Variants in ASIC2 observed in about 807,000 individuals in gnomAD.
ASIC2 encodes acid sensing ion channel subunit 2.
Under a neutral mutation model 57.3 loss-of-function variants are expected in ASIC2, and 25 were observed. The observed-to-expected ratio is 0.44, with a 90% CI of 0.32 to 0.61. ASIC2 has a LOEUF of 0.61. Ranked by LOEUF, ASIC2 falls within the 20% of genes least tolerant of loss-of-function variation. ASIC2 has a pLI of 0.06. For synonymous variants in ASIC2, 319 were observed against 307.5 expected (o/e 1.04, Z -0.39); for missense variants, 641 against 738.1 (o/e 0.87, Z 1.52).
chr17:33,884,390 C>G (rs1005517529), intron 1 of ASIC2, among the ~76,000 whole-genome samples: 1 of 152,138 alleles, frequency 6.6e-6, no homozygotes, highest in African/African-American at 2.4e-5. Flanking sequence ...GTTGCTTGTT[C>G]CTGGATGCTT....
At chr17:33,881,585 C>G (rs559420508) in intron 1 of ASIC2, among the ~76,000 whole-genome samples, 1 of 152,132 alleles carries the variant, frequency 6.6e-6, no homozygotes, top group Non-Finnish European at 1.5e-5. Context: ...AGGAGAACTA[C>G]AAACCACTGC....
At chr17:34,036,798 A>G (rs1054861737) in intron 1 of ASIC2, 1 of 151,206 alleles carries the variant, frequency 6.6e-6, no homozygotes, top group African/African-American at 2.4e-5. Flanking sequence ...GAAATAGTTG[A>G]AAACCTAGAG....
intron 1 of ASIC2, among the ~76,000 whole-genome samples, chr17:33,302,289 C>T (rs1905990928): frequency 6.6e-6 from 1 of 152,152 alleles, no homozygotes; most frequent in South Asian, 2.1e-4. Context: ...CAGCAGTAAC[C>T]ATCCACTCAT....
intron 1 of ASIC2, among the ~76,000 whole-genome samples, chr17:34,013,010 T>C (rs1906827296): frequency 6.6e-6 from 1 of 152,068 alleles, no homozygotes; most frequent in African/African-American, 2.4e-5. Context: ...CAGGAAGCAG[T>C]GAGGGGGACA....
At chr17:34,007,107 C>A (rs1906553150) in intron 1 of ASIC2, among the ~76,000 whole-genome samples, 1 of 152,152 alleles carries the variant, frequency 6.6e-6, no homozygotes, top group African/African-American at 2.4e-5. Context: ...CAAATGGCAT[C>A]TTTTCCTGGA....
chr17:33,676,822 T>C (rs7222632), intron 1 of ASIC2, among the ~76,000 whole-genome samples: 6,855 of 152,292 alleles, frequency 0.045, 394 homozygotes, highest in African/African-American at 0.13. Flanking sequence ...AATCCCACGT[T>C]GAGTTGTCCC....
chr17:33,289,038 C>T (rs1014030982), intron 1 of ASIC2, among the ~76,000 whole-genome samples: 7 of 152,174 alleles, frequency 4.6e-5, no homozygotes, highest in African/African-American at 1.7e-4. Flanking sequence ...CTTCTGGCTT[C>T]TACAGACAGA....
In ASIC2 at chr17:33,633,741, C is replaced by T. The variant is rs148415474; in HGVS notation, c.556-521674G>A. Among the ~76,000 whole-genome samples the T allele has an allele frequency of 3.9e-5, 6 of 152,338 alleles. No homozygotes were observed. The East Asian group carries it at 1.2e-3, about 29-fold the overall frequency. ...ATGCCCCAACCATTTAATAGCTTCT[C>T]AGCCTGTCCTATTCTAAGGCAGGAA... On this transcript the variant is annotated intron_variant, in intron 1 of 9. Transcript: ENST00000359872.
chr17:33,292,772 C>G lies in ASIC2; in HGVS notation c.-657G>C. 1.0e-6 allele frequency: 1 copy of G among 985,852 alleles called. No homozygotes were observed. Among genetic ancestry groups the G allele is most frequent in the East Asian group, 1.1e-4 (1 of 8,820 alleles). 61.1% of individuals were successfully genotyped at this position (985,852 alleles called of 1,614,324 possible). Reference sequence around the variant, plus strand: ...CCGGCTGCCGCCTTCTTTCCCTTCCCCTCCAGGACCCTTCCTTGTTACTGC... The same window carrying G: ...CCGGCTGCCGCCTTCTTTCCCTTCCGCTCCAGGACCCTTCCTTGTTACTGC... On this transcript the variant is annotated 5_prime_UTR_variant, in exon 1 of 10. Coordinates refer to ENST00000225823, the MANE Select transcript of ASIC2 (RefSeq NM_183377.2).
chr17:33,277,847 C>T (rs558724977), intron 1 of ASIC2, among the ~76,000 whole-genome samples: 5 of 152,244 alleles, frequency 3.3e-5, no homozygotes, highest in South Asian at 2.1e-4. Context: ...ATTAGCATTC[C>T]GGAGGTCAAT....
intron 1 of ASIC2, among the ~76,000 whole-genome samples, chr17:33,346,849 C>G (rs561698184): frequency 1.3e-5 from 2 of 152,146 alleles, no homozygotes; most frequent in Non-Finnish European, 2.9e-5. Context: ...GACCGAGGAG[C>G]CAGTGAAGTG....
chr17:33,476,091 AC>A, intron 1 of ASIC2, among the ~76,000 whole-genome samples: 1 of 152,216 alleles, frequency 6.6e-6, no homozygotes, highest in Non-Finnish European at 1.5e-5. Context: ...TTGACTTTAG[AC>A]TTCATAGTCC....
intron 1 of ASIC2, among the ~76,000 whole-genome samples, chr17:33,762,544 G>A (rs1910815811): frequency 6.6e-6 from 1 of 152,078 alleles, no homozygotes; most frequent in African/African-American, 2.4e-5. Flanking sequence ...GGTGATACCA[G>A]TGGTTTCCTC....
intron 1 of ASIC2, among the ~76,000 whole-genome samples, chr17:34,035,286 C>T (rs1278913385): frequency 6.9e-6 from 1 of 144,748 alleles, no homozygotes; most frequent in African/African-American, 2.8e-5. Flanking sequence ...ATAAATGGTG[C>T]TGGGAAAACT....
chr17:34,037,486 A>G, intron 1 of ASIC2: 2 of 1,033,212 alleles, frequency 1.9e-6, no homozygotes, highest in Non-Finnish European at 2.7e-6. Context: ...TATGGATGGG[A>G]AAAAAGCAAG....
At chr17:33,460,967 C>T (rs1912614639) in intron 1 of ASIC2, among the ~76,000 whole-genome samples, 1 of 152,190 alleles carries the variant, frequency 6.6e-6, no homozygotes, top group Non-Finnish European at 1.5e-5. Flanking sequence ...TTTCATTGCC[C>T]AGAGCTTTTC....
intron 1 of ASIC2, among the ~76,000 whole-genome samples, chr17:33,652,069 G>T (rs1906937196): frequency 6.6e-6 from 1 of 152,184 alleles, no homozygotes; most frequent in African/African-American, 2.4e-5. Flanking sequence ...AAATGGGGAG[G>T]CTGCCAAAAT....
intron 1 of ASIC2, among the ~76,000 whole-genome samples, chr17:33,701,697 T>C (rs1908706322): frequency 6.6e-6 from 1 of 152,228 alleles, no homozygotes; most frequent in Admixed American, 6.5e-5. Flanking sequence ...CAGTGCTACC[T>C]TGGATAATTC....
At chr17:33,080,229 C>A (rs949106382) in intron 3 of ASIC2, among the ~76,000 whole-genome samples, 4 of 152,032 alleles carry the variant, frequency 2.6e-5, no homozygotes, top group Non-Finnish European at 5.9e-5. Context: ...GGAAGCCAGG[C>A]AGGAGTGAAG....
Sources: allele counts gnomAD v4.1 joint callset (sites outside exome capture counted in the v4.1 genomes callset), GRCh38; gene constraint gnomAD v4.1.1; transcripts MANE v1.5; gene names NCBI Gene and HGNC (gene_info 2026-07-23, HGNC 2026-07-21).